Variants in LNX1 observed in about 807,000 individuals in gnomAD.
The protein encoded by LNX1 is ligand of numb-protein X 1, also known as E3 ubiquitin-protein ligase LNX.
Under a neutral mutation model 68.4 loss-of-function variants are expected in LNX1, and 54 were observed. That is an observed-to-expected ratio of 0.79 (90% CI 0.63 to 0.99). LNX1 has a LOEUF of 0.99. Ranked by LOEUF, LNX1 falls within the 50% of genes least tolerant of loss-of-function variation. The probability of loss-of-function intolerance (pLI) is 0.00; values close to 1 mark genes in which losing one functional copy is unlikely to be tolerated. For missense variants in LNX1, 906 were observed against 926.4 expected (o/e 0.98, Z 0.29); for synonymous variants, 336 against 350.0 (o/e 0.96, Z 0.45).
Position 53,478,283 on chromosome 4 carries a change from T to C in LNX1, c.1663+282A>G, listed in dbSNP as rs192135515. On this transcript the variant is annotated intron_variant, in intron 8 of 10. Coordinates refer to ENST00000263925, the MANE Select transcript of LNX1 (RefSeq NM_001126328.3). ...GAATGAATGGAACTACATTATGCCA[T>C]TTAATAGAGGTAACTTGCTCATAAC... is the stretch of plus-strand genomic sequence containing the variant. Among the ~76,000 whole-genome samples, 65 of 152,276 alleles carry C rather than the reference T, an allele frequency of 4.3e-4. 1 individual carries two copies. The South Asian group carries it at 8.9e-3, about 21-fold the overall frequency.
chr4:53,487,874 A>C (rs1357021533), intron 6 of LNX1, among the ~76,000 whole-genome samples: 1 of 152,118 alleles, frequency 6.6e-6, no homozygotes, highest in East Asian at 1.9e-4. Flanking sequence ...AAAATGAGAC[A>C]GTTTGGCTTT....
In LNX1 at chr4:53,495,279, G is replaced by GA. The variant is rs200216018; in HGVS notation, c.1350+743dup. On this transcript the variant is annotated intron_variant, in intron 6 of 10. Coordinates refer to ENST00000263925, the MANE Select transcript of LNX1 (RefSeq NM_001126328.3). ...ATTATCTTAAAATAAAAAAGCTAAA[G>GA]AAAAAAAAATTTCAACAGTGACCCT... 5.7e-3 allele frequency among the ~76,000 whole-genome samples: 867 copies of GA among 151,442 alleles called. 11 individuals are homozygous for GA. The highest frequency in any genetic ancestry group is 7.2e-3 in the Non-Finnish European group (491 of 67,790).
intron 1 of LNX1, among the ~76,000 whole-genome samples, 184 bp downstream of exon 1, chr4:53,591,204 A>G (rs186456738): frequency 2.0e-5 from 3 of 152,288 alleles, no homozygotes; most frequent in East Asian, 3.9e-4. Context: ...GGAGAAGTTT[A>G]TTGTGCAACT....
At chr4:53,484,188 G>A (rs1307673023) in intron 6 of LNX1, among the ~76,000 whole-genome samples, 1 of 152,150 alleles carries the variant, frequency 6.6e-6, no homozygotes, top group African/African-American at 2.4e-5. Context: ...AAGCCACCTA[G>A]GATAGTGTAT....
At chr4:53,552,190 G>A (rs754503232) in intron 2 of LNX1, among the ~76,000 whole-genome samples, 7 of 151,888 alleles carry the variant, frequency 4.6e-5, no homozygotes, top group Non-Finnish European at 8.8e-5. Context: ...AGGACTTGTC[G>A]TCCTCCAGTG....
intron 2 of LNX1, among the ~76,000 whole-genome samples, chr4:53,565,738 T>A (rs1476549399): frequency 4.7e-5 from 7 of 149,178 alleles, no homozygotes; most frequent in Non-Finnish European, 1.1e-4. Context: ...GCAAAGAAGT[T>A]GAAAACTTTG....
chr4:53,487,571 C>A (rs1392488452), intron 6 of LNX1, among the ~76,000 whole-genome samples: 1 of 152,178 alleles, frequency 6.6e-6, no homozygotes, highest in Non-Finnish European at 1.5e-5. Context: ...AAAGGAGACT[C>A]CAAACCCACT....
At chr4:53,558,995 G>A (rs1039748952) in intron 2 of LNX1, among the ~76,000 whole-genome samples, 15 of 152,066 alleles carry the variant, frequency 9.9e-5, no homozygotes, top group African/African-American at 2.7e-4. Context: ...CAGGACTCTC[G>A]CTTACCCCAT....
chr4:53,620,215 A>C (rs1029466075), upstream of LNX1, among the ~76,000 whole-genome samples: 8 of 151,816 alleles, frequency 5.3e-5, no homozygotes, highest in African/African-American at 1.7e-4. Context: ...CTATCTATCT[A>C]CTCTCAAAAT....
At chr4:53,635,383 A>C (rs1258978742) in intron 1 of LNX1, among the ~76,000 whole-genome samples, 1 of 152,324 alleles carries the variant, frequency 6.6e-6, no homozygotes, top group Admixed American at 6.5e-5. Context: ...GGGTTGTCTC[A>C]CGTAACTCAC....
rs1256892034 is a variant in LNX1 at position 53,476,988 on chromosome 4, G to C, written c.1664-7C>G. 2 of 1,609,714 alleles carry C rather than the reference G, an allele frequency of 1.2e-6. No homozygotes were observed. The highest frequency in any genetic ancestry group is 2.7e-5 in the African/African-American group (2 of 74,866). Reference sequence around the variant, plus strand: ...ACATTCAACAAAATGTCACCTGATGGCCAGAGAAGCAGAAGCTATCTTTAG... The same window carrying C: ...ACATTCAACAAAATGTCACCTGATGCCCAGAGAAGCAGAAGCTATCTTTAG... On this transcript the variant is annotated splice_region_variant and splice_polypyrimidine_tract_variant and intron_variant, in intron 8 of 10. Transcript: ENST00000263925.
chr4:53,537,644 ACT>A (rs1728467103), intron 2 of LNX1, among the ~76,000 whole-genome samples: 1 of 152,072 alleles, frequency 6.6e-6, no homozygotes, highest in Non-Finnish European at 1.5e-5. Context: ...GGCTTGTGAG[ACT>A]CAGCACTGCC....
intron 2 of LNX1, among the ~76,000 whole-genome samples, chr4:53,572,681 C>G (rs1731241979): frequency 6.6e-6 from 1 of 152,014 alleles, no homozygotes; most frequent in South Asian, 2.1e-4. Flanking sequence ...TCTCAATGTC[C>G]AAGAACATGA....
At position 53,498,934 on chromosome 4, in the gene LNX1, A is replaced by C. The variant is rs1401557888; in HGVS notation, c.776-91T>G. ...GCCAAACTTCAGTGTCAGCCAAACT[A>C]AACTATTCATTTTTCCTCATACATG... On this transcript the variant is annotated intron_variant, in intron 4 of 10. Coordinates refer to ENST00000263925, the MANE Select transcript of LNX1 (RefSeq NM_001126328.3). The C allele has an allele frequency of 1.1e-5, 10 of 912,170 alleles. No homozygotes were observed. The East Asian group carries it at 2.5e-4, about 22-fold the overall frequency. The allele number at this position is 912,170 out of a possible 1,614,324, so 56.5% of individuals were successfully genotyped here.
chr4:53,462,188 G>A (rs1722202313), intron 9 of LNX1, among the ~76,000 whole-genome samples: 1 of 152,058 alleles, frequency 6.6e-6, no homozygotes, highest in Non-Finnish European at 1.5e-5. Flanking sequence ...CAAATAGGAG[G>A]AAAAACAAAC....
intron 1 of LNX1, among the ~76,000 whole-genome samples, chr4:53,634,368 C>T (rs577011890): frequency 5.3e-5 from 8 of 151,968 alleles, no homozygotes; most frequent in South Asian, 2.1e-4. Context: ...CTCAGTCTCC[C>T]GAGTAGCTGG....
At chr4:53,571,938 G>A (rs1731194293) in intron 2 of LNX1, among the ~76,000 whole-genome samples, 1 of 152,182 alleles carries the variant, frequency 6.6e-6, no homozygotes, top group Admixed American at 6.5e-5. Context: ...TGGGATTACA[G>A]GTGTGAGCCA....
intron 2 of LNX1, among the ~76,000 whole-genome samples, chr4:53,515,507 G>A (rs1379899031): frequency 6.8e-6 from 1 of 146,832 alleles, no homozygotes; most frequent in African/African-American, 2.6e-5. Flanking sequence ...TCAATTTAAG[G>A]CCCCCACCCC....
At chr4:53,525,577 G>A (rs1434123093) in intron 2 of LNX1, among the ~76,000 whole-genome samples, 1 of 152,192 alleles carries the variant, frequency 6.6e-6, no homozygotes, top group Admixed American at 6.5e-5. Context: ...TGCCTCAGTC[G>A]AAGTTCACTG....
Sources: gnomAD v4.1 joint callset for allele counts (sites outside exome capture counted in the v4.1 genomes callset) on GRCh38, gnomAD v4.1.1 for gene constraint, MANE v1.5 for transcripts, NCBI Gene and HGNC (gene_info 2026-07-23, HGNC 2026-07-21) for gene names.